The following SNX29 variants were observed in gnomAD, a reference collection of about 807,000 sequenced individuals.
The protein encoded by SNX29 is sorting nexin 29, also known as sorting nexin-29.
A neutral mutation model predicts 102.1 loss-of-function variants in SNX29; 78 were observed. The ratio of observed to expected loss-of-function variants is 0.76; its 90% CI spans 0.64 to 0.92. The LOEUF (loss-of-function observed/expected upper bound fraction) is 0.92. Among genes scored for constraint, SNX29 ranks in the 40% least tolerant of loss-of-function variants. SNX29 has a pLI of 0.00. For missense variants in SNX29, 1,280 were observed against 1,061.7 expected, an observed-to-expected ratio of 1.21 and a Z score of -2.86; for synonymous variants, 580 against 414.5, an observed-to-expected ratio of 1.40 and a Z score of -4.85.
chr16:12,559,402 A>G (rs1425611966), intron 20 of SNX29, among the ~76,000 whole-genome samples: 2 of 151,320 alleles, frequency 1.3e-5, no homozygotes, highest in African/African-American at 4.9e-5. Flanking sequence ...CGCCCCCTGA[A>G]GGGACCATCT....
In SNX29 at chr16:12,570,128, TAAGG is replaced by T. The variant is rs914309185; in HGVS notation, c.*1504_*1507del. On this transcript the variant is annotated 3_prime_UTR_variant, in exon 21 of 21. Transcript: ENST00000566228. ...AAAAAGGAAGATTGTTCATGGCCTT[TAAGG>T]AAGGCTGAGATCACTCACACACAGC... 1.6e-5 allele frequency: 17 copies of T among 1,050,414 alleles called. No individual in the cohort carries two copies. The highest frequency in any genetic ancestry group is 1.1e-4 in the Admixed American group (2 of 18,644). The allele number at this position is 1,050,414 out of a possible 1,614,324, so 65.1% of individuals were successfully genotyped here. A position where few individuals can be genotyped will look rare whatever the true frequency, so the allele number is the denominator to read the frequency against.
chr16:12,421,083 C>T (rs77614472), intron 18 of SNX29, among the ~76,000 whole-genome samples: 1,781 of 152,298 alleles, frequency 0.012, 40 homozygotes, highest in African/African-American at 0.04. Flanking sequence ...AAGGAAACTA[C>T]GGCACAGGAA....
chr16:12,346,184 G>C (rs1472204053), intron 15 of SNX29, among the ~76,000 whole-genome samples: 1 of 152,132 alleles, frequency 6.6e-6, no homozygotes, highest in Non-Finnish European at 1.5e-5. Flanking sequence ...TGTCTAGGTG[G>C]GAGGGGGCTT....
At position 12,098,480 on chromosome 16, in the gene SNX29, T is replaced by A. The variant is rs2141181519; in HGVS notation, c.1402+19565T>A. On this transcript the variant is annotated intron_variant, in intron 11 of 20. Transcript: ENST00000566228. This position sits in a 1 kb window ranked among gnomAD's most constrained non-coding sequence, Gnocchi z 6.0. ...GCAGTGGCCACCGCGTGCCCTTTGA[T>A]GGGACGTTACATTGCATTTCAGCAG... 6.6e-6 allele frequency among the ~76,000 whole-genome samples: 1 copy of A among 152,324 alleles called. No homozygotes were observed. The highest frequency in any genetic ancestry group is 2.4e-5 in the African/African-American group (1 of 41,578).
intron 14 of SNX29, among the ~76,000 whole-genome samples, chr16:12,264,588 C>CT (rs1249158063): frequency 1.3e-5 from 2 of 152,158 alleles, no homozygotes; most frequent in African/African-American, 4.8e-5. Flanking sequence ...TTGAGACGAG[C>CT]CTGGCTAACA....
chr16:12,062,808 C>T (rs917142311), intron 9 of SNX29, among the ~76,000 whole-genome samples: 3 of 152,136 alleles, frequency 2.0e-5, no homozygotes, highest in African/African-American at 7.2e-5. Context: ...GAGCATAAAC[C>T]TACTCAAACT....
At chr16:12,562,835 C>A (rs554902594) in intron 20 of SNX29, among the ~76,000 whole-genome samples, 1 of 152,234 alleles carries the variant, frequency 6.6e-6, no homozygotes, top group East Asian at 1.9e-4. Context: ...CCTAGCATTC[C>A]CCTATAGGCA....
chr16:12,539,015 C>A (rs556254245), intron 20 of SNX29, among the ~76,000 whole-genome samples: 8 of 152,282 alleles, frequency 5.3e-5, no homozygotes, highest in Non-Finnish European at 7.4e-5. Context: ...GAGCCAAAAC[C>A]ATCCATGAAT....
intron 19 of SNX29, among the ~76,000 whole-genome samples, chr16:12,494,925 G>T (rs1013167651): frequency 3.9e-5 from 6 of 152,186 alleles, no homozygotes; most frequent in Non-Finnish European, 5.9e-5. Context: ...TTTATTGAGT[G>T]CTAACTGCAT....
chr16:12,163,903 C>T (rs1483779960), intron 13 of SNX29, among the ~76,000 whole-genome samples: 1 of 152,054 alleles, frequency 6.6e-6, no homozygotes, highest in Non-Finnish European at 1.5e-5. Context: ...TTTGGACATT[C>T]TACAGGAGTG....
rs2052770687 is a variant in SNX29, at chr16:12,096,435, T to C, written c.1402+17520T>C. 6.6e-6 allele frequency among the ~76,000 whole-genome samples: 1 copy of C among 152,196 alleles called. No homozygotes were observed. Among genetic ancestry groups the C allele is most frequent in the African/African-American group, 2.4e-5 (1 of 41,462 alleles). On this transcript the variant is annotated intron_variant, in intron 11 of 20. Coordinates refer to ENST00000566228, the MANE Select transcript of SNX29 (RefSeq NM_032167.5). This position sits in a 1 kb window ranked among gnomAD's most constrained non-coding sequence, Gnocchi z 4.2. ...ACAAGCTCTGTGTCACATGTTAAAATTTCCCCATCATTATAATGCAGATTT... is the reference window on the plus strand; with the variant it reads ...ACAAGCTCTGTGTCACATGTTAAAACTTCCCCATCATTATAATGCAGATTT...
chr16:12,027,567 G>A lies in SNX29; in HGVS notation c.247+123G>A, dbSNP rs923965688. On this transcript the variant is annotated intron_variant, in intron 4 of 20. Transcript: ENST00000566228. ...TGGGACTTGGTGGGGTGGTGTATGG[G>A]CACAGAAATCCATGTCTTAATAGTA... 1.4e-5 allele frequency: 17 copies of A among 1,179,800 alleles called. No homozygotes were observed. In the Admixed American group the frequency reaches 2.0e-4, roughly 14 times the overall value. The allele number at this position is 1,179,800 out of a possible 1,614,324, so 73.1% of individuals were successfully genotyped here. A position where few individuals can be genotyped will look rare whatever the true frequency, so the allele number is the denominator to read the frequency against.
At chr16:12,550,271 T>TTA (rs2077887592) in intron 20 of SNX29, among the ~76,000 whole-genome samples, 1 of 152,168 alleles carries the variant, frequency 6.6e-6, no homozygotes, top group South Asian at 2.1e-4. Flanking sequence ...ACACAGAGGC[T>TTA]TATACCTGTA....
intron 16 of SNX29, among the ~76,000 whole-genome samples, chr16:12,383,776 T>TC (rs1199182210): frequency 6.8e-6 from 1 of 147,752 alleles, no homozygotes; most frequent in East Asian, 1.9e-4. Flanking sequence ...AACTTTCTTT[T>TC]TTTTTTTTTT....
chr16:12,148,589 A>G (rs952491049), intron 13 of SNX29, among the ~76,000 whole-genome samples: 3 of 152,032 alleles, frequency 2.0e-5, no homozygotes, highest in East Asian at 3.8e-4. Context: ...TCTTATTTCC[A>G]TAGCATTTCT....
chr16:12,365,568 T>C (rs576136120), intron 16 of SNX29, among the ~76,000 whole-genome samples: 2 of 151,596 alleles, frequency 1.3e-5, no homozygotes, highest in South Asian at 4.2e-4. Flanking sequence ...TGCGTGCCTG[T>C]AATCACGGCT....
chr16:12,189,524 C>G lies in SNX29; in HGVS notation c.1596-10077C>G, dbSNP rs562543705. ...GAGGCGATGCATCTTTTTAGTGCAT[C>G]CTGGCAGGTGGTGCATGGCTTCAAT... On this transcript the variant is annotated intron_variant, in intron 13 of 20. Transcript: ENST00000566228. 3.3e-5 allele frequency among the ~76,000 whole-genome samples: 5 copies of G among 152,164 alleles called. No homozygotes were observed. In the East Asian group the frequency reaches 5.8e-4, roughly 18 times the overall value.
intron 15 of SNX29, among the ~76,000 whole-genome samples, chr16:12,333,412 G>A (rs913223487): frequency 2.6e-5 from 4 of 152,100 alleles, no homozygotes; most frequent in Non-Finnish European, 5.9e-5. Flanking sequence ...GCCGCAATCA[G>A]TTAATTTTTA....
Position 12,527,354 on chromosome 16 carries a change from TAAAAAAA to T in SNX29, c.2318+2516_2318+2522del, listed in dbSNP as rs759376406. 30 of 491,704 alleles carry T rather than the reference TAAAAAAA, an allele frequency of 6.1e-5. No individual in the cohort carries two copies. In the East Asian group the frequency reaches 1.3e-3, roughly 21 times the overall value. The allele number at this position is 491,704 out of a possible 1,614,324, so 30.5% of individuals were successfully genotyped here. ...AAGCTGAGCCTGAGAGATTTCTGGT[TAAAAAAA>T]AATAAAAAATAAAAATCTCCTGCCT... On this transcript the variant is annotated intron_variant, in intron 20 of 20. Coordinates refer to ENST00000566228, the MANE Select transcript of SNX29 (RefSeq NM_032167.5).
Sources: gnomAD v4.1 joint callset for allele counts (sites outside exome capture counted in the v4.1 genomes callset) on GRCh38, gnomAD v4.1.1 for gene constraint, Gnocchi (gnomAD v3.1) non-coding constraint, MANE v1.5 for transcripts, NCBI Gene and HGNC (gene_info 2026-07-23, HGNC 2026-07-21) for gene names.